The following SIPA1L1 variants were observed in gnomAD, a reference collection of about 807,000 sequenced individuals.
SIPA1L1 encodes the protein signal induced proliferation associated 1 like 1.
Under a neutral mutation model 162.7 loss-of-function variants are expected in SIPA1L1, and 26 were observed. The ratio of observed to expected loss-of-function variants is 0.16; its 90% CI spans 0.12 to 0.22. SIPA1L1 has a LOEUF of 0.22. SIPA1L1 is among the 10% of genes least tolerant of loss of function. SIPA1L1 has a pLI of 1.00. For missense variants in SIPA1L1, 1,874 were observed against 2,241.0 expected, an observed-to-expected ratio of 0.84 and a Z score of 3.31; for synonymous variants, 829 against 837.4, an observed-to-expected ratio of 0.99 and a Z score of 0.17.
intron 2 of SIPA1L1, among the ~76,000 whole-genome samples, chr14:71,372,765 T>G (rs2141036626): frequency 6.6e-6 from 1 of 152,322 alleles, no homozygotes; most frequent in African/African-American, 2.4e-5. Flanking sequence ...CTGGGGTGTC[T>G]GTAATATTCA....
chr14:71,730,922 TA>T (rs1566754584), intron 20 of SIPA1L1, among the ~76,000 whole-genome samples: 2 of 152,284 alleles, frequency 1.3e-5, no homozygotes, highest in East Asian at 3.9e-4. Context: ...ACTCGGGATT[TA>T]AATTTGGTTT....
intron 2 of SIPA1L1, among the ~76,000 whole-genome samples, chr14:71,501,203 C>T (rs763794751): frequency 1.3e-4 from 20 of 152,006 alleles, no homozygotes; most frequent in Non-Finnish European, 2.4e-4. Context: ...CATCTGTGGT[C>T]CCAGCTACTT....
At chr14:71,386,675 T>C (rs2141272612) in intron 2 of SIPA1L1, among the ~76,000 whole-genome samples, 1 of 152,286 alleles carries the variant, frequency 6.6e-6, no homozygotes, top group East Asian at 1.9e-4. Flanking sequence ...GAACCCTGTT[T>C]TACTTGTTTT....
Position 71,353,527 on chromosome 14 carries a change from G to T in SIPA1L1, c.-465+32346G>T, listed in dbSNP as rs552311509. 7.2e-5 allele frequency among the ~76,000 whole-genome samples: 11 copies of T among 152,290 alleles called. No homozygotes were observed. The East Asian group carries it at 2.1e-3, about 29-fold the overall frequency. ...ATGGGACTCCTGAAGGGTTTTAAGC[G>T]CAGCATTGACCTGGTCTTACCTAGG... On this transcript the variant is annotated intron_variant, in intron 2 of 23. Coordinates refer to ENST00000381232, the MANE Select transcript of SIPA1L1 (RefSeq NM_001386936.1).
intron 3 of SIPA1L1, among the ~76,000 whole-genome samples, chr14:71,527,917 C>CTA (rs2053048976): frequency 6.6e-6 from 1 of 152,278 alleles, no homozygotes; most frequent in Admixed American, 6.5e-5. Flanking sequence ...CCGAGTCTCG[C>CTA]TCTATCGTCC....
chr14:71,681,437 A>G (rs1433833126), intron 12 of SIPA1L1, among the ~76,000 whole-genome samples: 1 of 152,244 alleles, frequency 6.6e-6, no homozygotes. Flanking sequence ...AAAGAAAGCA[A>G]TTAAGGGCCA....
chr14:71,659,625 A>G (rs1196327805), intron 9 of SIPA1L1, among the ~76,000 whole-genome samples: 1 of 152,192 alleles, frequency 6.6e-6, no homozygotes, highest in African/African-American at 2.4e-5. Context: ...AAGAACATTA[A>G]CAAAATGATC....
At chr14:71,542,249 C>T (rs1313081320) in intron 4 of SIPA1L1, among the ~76,000 whole-genome samples, 9 of 151,470 alleles carry the variant, frequency 5.9e-5, no homozygotes, top group African/African-American at 2.2e-4. Context: ...GGCTCCTCCT[C>T]CTCCTCCTCT....
intron 14 of SIPA1L1, among the ~76,000 whole-genome samples, chr14:71,699,742 G>A (rs28612588): frequency 2.3e-3 from 343 of 152,318 alleles, no homozygotes; most frequent in African/African-American, 8.0e-3. Flanking sequence ...TTGTCTGTGA[G>A]GACAAGTGAG....
chr14:71,604,007 T>C (rs1025407632), intron 5 of SIPA1L1, among the ~76,000 whole-genome samples: 19 of 139,976 alleles, frequency 1.4e-4, no homozygotes, highest in Admixed American at 7.1e-5. Context: ...ATAAATTTTT[T>C]TTTTTTTGAG....
chr14:71,463,344 G>A (rs1033963700), intron 2 of SIPA1L1, among the ~76,000 whole-genome samples: 1 of 152,118 alleles, frequency 6.6e-6, no homozygotes, highest in African/African-American at 2.4e-5. Flanking sequence ...ATGACCACAG[G>A]ATGAGTCCGG....
chr14:71,556,468 CATTGGTA>C (rs1358303516), intron 4 of SIPA1L1, among the ~76,000 whole-genome samples: 1 of 152,240 alleles, frequency 6.6e-6, no homozygotes, highest in Non-Finnish European at 1.5e-5. Context: ...CTTTGGACAT[CATTGGTA>C]AATCCAGGCC....
At chr14:71,360,354 C>T (rs899606338) in intron 2 of SIPA1L1, among the ~76,000 whole-genome samples, 6 of 152,122 alleles carry the variant, frequency 3.9e-5, no homozygotes, top group Admixed American at 3.9e-4. Context: ...CTAGAAAATA[C>T]TATAGAAATC....
intron 2 of SIPA1L1, among the ~76,000 whole-genome samples, chr14:71,512,371 G>A (rs749964092): frequency 5.3e-5 from 8 of 151,950 alleles, no homozygotes; most frequent in Non-Finnish European, 1.2e-4. Context: ...GTTCTTTCAC[G>A]AGGTCAGGAG....
At chr14:71,398,538 A>C (rs1364344649) in intron 2 of SIPA1L1, 1 of 152,248 alleles carries the variant, frequency 6.6e-6, no homozygotes, top group Non-Finnish European at 1.5e-5. Flanking sequence ...ATAGTTACAC[A>C]TGAGCAGTGA....
chr14:71,464,895 G>T (rs996112642), intron 2 of SIPA1L1, among the ~76,000 whole-genome samples: 2 of 152,170 alleles, frequency 1.3e-5, no homozygotes, highest in Non-Finnish European at 2.9e-5. Context: ...CGGGACTTTA[G>T]TTATAGGTCT....
intron 2 of SIPA1L1, among the ~76,000 whole-genome samples, chr14:71,465,651 G>C (rs2046939098): frequency 6.6e-6 from 1 of 152,096 alleles, no homozygotes. Context: ...CGAAACCAAT[G>C]AAAGAACTCC....
chr14:71,716,505 A>C (rs1380804313), intron 17 of SIPA1L1, among the ~76,000 whole-genome samples: 2 of 152,184 alleles, frequency 1.3e-5, no homozygotes, highest in Non-Finnish European at 2.9e-5. Context: ...AAGTTTTCCC[A>C]TCAGCAGCTT....
intron 5 of SIPA1L1, among the ~76,000 whole-genome samples, chr14:71,594,479 A>G (rs755890876): frequency 6.6e-6 from 1 of 152,180 alleles, no homozygotes; most frequent in Non-Finnish European, 1.5e-5. Context: ...AGGCTTGAGA[A>G]AAGTACCATA....
Sources: gnomAD v4.1 joint callset for allele counts (sites outside exome capture counted in the v4.1 genomes callset) on GRCh38, gnomAD v4.1.1 for gene constraint, MANE v1.5 for transcripts, NCBI Gene and HGNC (gene_info 2026-07-23, HGNC 2026-07-21) for gene names.